DGKI: variants seen among roughly 807,000 people sequenced by gnomAD.
DGKI encodes DAG kinase iota.
DGKI carries 55 observed loss-of-function variants against 147.5 expected under a neutral mutation model. That is an observed-to-expected ratio of 0.37 (90% CI 0.30 to 0.47). The LOEUF (loss-of-function observed/expected upper bound fraction) is 0.47, where lower values mean the gene tolerates loss of function less well. DGKI is among the 20% of genes least tolerant of loss of function. The pLI, the probability that DGKI is intolerant of heterozygous loss-of-function variation, is 1.00. For synonymous variants in DGKI, 469 were observed against 477.1 expected (o/e 0.98, Z 0.22); for missense variants, 1,007 against 1,323.8 (o/e 0.76, Z 3.71).
chr7:137,629,930 A>G (rs1482412764), intron 6 of DGKI, among the ~76,000 whole-genome samples: 1 of 152,200 alleles, frequency 6.6e-6, no homozygotes, highest in Non-Finnish European at 1.5e-5. Context: ...GGGTTTATTT[A>G]CCCATAGAAA....
At chr7:137,752,275 A>G (rs1795518352) in intron 1 of DGKI, among the ~76,000 whole-genome samples, 1 of 152,140 alleles carries the variant, frequency 6.6e-6, no homozygotes, top group Admixed American at 6.5e-5. Context: ...CAAAAAAAAA[A>G]AGTCAGATCT....
chr7:137,432,436 A>G (rs958499702), intron 28 of DGKI, among the ~76,000 whole-genome samples: 3 of 152,168 alleles, frequency 2.0e-5, no homozygotes, highest in Non-Finnish European at 2.9e-5. Flanking sequence ...GCTGTCTGAC[A>G]TTGATGGTTG....
At chr7:137,773,268 CG>C (rs1280751166) in intron 1 of DGKI, among the ~76,000 whole-genome samples, 3 of 152,020 alleles carry the variant, frequency 2.0e-5, no homozygotes, top group Admixed American at 6.5e-5. Context: ...ACGTATAGCA[CG>C]GAAGGGTAGG....
At chr7:137,776,386 G>T (rs1796361549) in intron 1 of DGKI, among the ~76,000 whole-genome samples, 1 of 152,166 alleles carries the variant, frequency 6.6e-6, no homozygotes, top group African/African-American at 2.4e-5. Flanking sequence ...TAGATCACCT[G>T]GTAGGCAATT....
At chr7:137,630,231 T>C (rs566640854) in intron 6 of DGKI, among the ~76,000 whole-genome samples, 78 of 152,166 alleles carry the variant, frequency 5.1e-4, no homozygotes, top group Non-Finnish European at 1.0e-3. Flanking sequence ...TTACTGTCTA[T>C]AATATTTTCC....
chr7:137,778,741 C>CATAA (rs1309003664), intron 1 of DGKI, among the ~76,000 whole-genome samples: 1 of 152,148 alleles, frequency 6.6e-6, no homozygotes, highest in Non-Finnish European at 1.5e-5. Context: ...CCAATTTGCA[C>CATAA]ATAGCTGGGG....
chr7:137,770,534 G>GTTTTTT lies in DGKI; in HGVS notation c.401+75922_401+75927dup, dbSNP rs1396125188. Among the ~76,000 whole-genome samples, 45 of 101,416 alleles carry GTTTTTT rather than the reference G, an allele frequency of 4.4e-4. 15 individuals are homozygous for GTTTTTT. The highest frequency in any genetic ancestry group is 3.2e-3 in the African/African-American group (44 of 13,902). 66.5% of individuals were successfully genotyped at this position (101,416 alleles called of 152,430 possible). On this transcript the variant is annotated intron_variant, in intron 1 of 32. Transcript: ENST00000614521. ...AAAATCAATAAATTATACTCAGTGGGTTTTTTTTTTTTTTTTTGAGACGGA... is the reference window on the plus strand; with the variant it reads ...AAAATCAATAAATTATACTCAGTGGGTTTTTTTTTTTTTTTTTTTTTTTGAGACGGA...
At chr7:137,504,507 T>C (rs1166782219) in intron 21 of DGKI, among the ~76,000 whole-genome samples, 2 of 152,086 alleles carry the variant, frequency 1.3e-5, no homozygotes, top group Non-Finnish European at 2.9e-5. Flanking sequence ...AAAAGAACAA[T>C]AAATATAATC....
intron 2 of DGKI, among the ~76,000 whole-genome samples, chr7:137,682,752 G>A (rs1823282738): frequency 6.6e-6 from 1 of 152,146 alleles, no homozygotes; most frequent in Non-Finnish European, 1.5e-5. Flanking sequence ...AGAAATTCCA[G>A]ACTTGTTCCA....
intron 8 of DGKI, among the ~76,000 whole-genome samples, chr7:137,612,371 C>T (rs149551241): frequency 4.7e-4 from 71 of 151,960 alleles, no homozygotes; most frequent in African/African-American, 1.6e-3. Flanking sequence ...AGTACCTGGA[C>T]GCATCTATGT....
chr7:137,829,211 T>G (rs1471798842), intron 1 of DGKI, among the ~76,000 whole-genome samples: 1 of 152,252 alleles, frequency 6.6e-6, no homozygotes, highest in Non-Finnish European at 1.5e-5. Flanking sequence ...TCTCTGTCTT[T>G]AACCTTATCC....
chr7:137,618,222 G>A (rs559912121), intron 8 of DGKI, among the ~76,000 whole-genome samples: 23 of 131,028 alleles, frequency 1.8e-4, no homozygotes, highest in African/African-American at 4.4e-4. Context: ...TAAAGTTCAC[G>A]GTTATTAAAA....
chr7:137,715,976 CA>C (rs1182599005), intron 1 of DGKI, among the ~76,000 whole-genome samples: 3 of 152,036 alleles, frequency 2.0e-5, no homozygotes, highest in Admixed American at 6.5e-5. Flanking sequence ...GTGCTGGTTA[CA>C]AAAAGTCACC....
intron 5 of DGKI, among the ~76,000 whole-genome samples, chr7:137,647,020 C>T (rs1424126049): frequency 6.6e-6 from 1 of 152,158 alleles, no homozygotes; most frequent in African/African-American, 2.4e-5. Flanking sequence ...AATGGTCCCA[C>T]AATTTAGTCT....
At chr7:137,486,867 T>C (rs111632182) in intron 22 of DGKI, among the ~76,000 whole-genome samples, 104 of 152,182 alleles carry the variant, frequency 6.8e-4, no homozygotes, top group African/African-American at 1.7e-3. Flanking sequence ...AATACAAATG[T>C]CTAGGCCACA....
At chr7:137,763,362 ATATGCCACATCTGCTGTATTTGCTC>A (rs1666021274) in intron 1 of DGKI, among the ~76,000 whole-genome samples, 1 of 152,200 alleles carries the variant, frequency 6.6e-6, no homozygotes, top group African/African-American at 2.4e-5. Context: ...AGGATCCTAG[ATATGCCACATCTGCTGTATTTGCTC>A]TATTTAAGGC....
intron 5 of DGKI, among the ~76,000 whole-genome samples, chr7:137,651,602 G>GT (rs1399279687): frequency 5.3e-5 from 8 of 152,348 alleles, no homozygotes; most frequent in Admixed American, 5.2e-4. Flanking sequence ...GAAATGTAAA[G>GT]TTAGGAGTTG....
At chr7:137,456,456 T>A (rs2128922802) in intron 27 of DGKI, among the ~76,000 whole-genome samples, 1 of 152,316 alleles carries the variant, frequency 6.6e-6, no homozygotes, top group African/African-American at 2.4e-5. Context: ...GGAACATCCT[T>A]CTATTCATCC....
chr7:137,469,379 A>G (rs1397644507), intron 24 of DGKI, among the ~76,000 whole-genome samples, 171 bp downstream of exon 24: 1 of 152,202 alleles, frequency 6.6e-6, no homozygotes, highest in African/African-American at 2.4e-5. Flanking sequence ...AGGAAAGGAC[A>G]GTGCAATATC....
Sources: gnomAD v4.1 joint callset for allele counts (sites outside exome capture counted in the v4.1 genomes callset) on GRCh38, gnomAD v4.1.1 for gene constraint, MANE v1.5 for transcripts, NCBI Gene and HGNC (gene_info 2026-07-23, HGNC 2026-07-21) for gene names.